Variants in LIMK1 observed in about 807,000 individuals in gnomAD.
LIMK1 encodes the protein LIM motif-containing protein kinase.
Under a neutral mutation model 77.6 loss-of-function variants are expected in LIMK1, and 21 were observed. That is an observed-to-expected ratio of 0.27 (90% CI 0.19 to 0.39). The LOEUF is 0.39. Ranked by LOEUF, LIMK1 falls within the 10% of genes least tolerant of loss-of-function variation. The pLI is 1.00. For missense variants in LIMK1, 696 were observed against 901.6 expected (o/e 0.77, Z 2.92); for synonymous variants, 358 against 370.0 (o/e 0.97, Z 0.37).
At chr7:74,120,205 A>G (rs1799901988) in intron 13 of LIMK1, among the ~76,000 whole-genome samples, 1 of 152,034 alleles carries the variant, frequency 6.6e-6, no homozygotes, top group Non-Finnish European at 1.5e-5. Flanking sequence ...TCATCTCCAG[A>G]TCCTTAACTT....
chr7:74,110,038 G>T lies in LIMK1; in HGVS notation c.1284+1002G>T, dbSNP rs551586689. On this transcript the variant is annotated intron_variant, in intron 10 of 15. Transcript: ENST00000336180. ...GTAACTTGACACAACGGGTTCCGTT[G>T]TCAGGTGCAATTTAGAAACTCTGGG... The T allele has an allele frequency of 2.5e-4, 38 of 152,182 alleles. 2 individuals carry two copies. Among genetic ancestry groups the T allele is most frequent in the African/African-American group, 9.2e-4 (38 of 41,516 alleles). 9.4% of individuals were successfully genotyped at this position (152,182 alleles called of 1,614,324 possible).
At chr7:74,104,625 CA>C (rs532503558) in intron 5 of LIMK1, among the ~76,000 whole-genome samples, 152 of 134,204 alleles carry the variant, frequency 1.1e-3, no homozygotes, top group Middle Eastern at 3.8e-3. Context: ...AACTCTGTCT[CA>C]AAAAAAAAAA....
At chr7:74,095,581 A>T (rs1452029192) in intron 2 of LIMK1, among the ~76,000 whole-genome samples, 1 of 151,888 alleles carries the variant, frequency 6.6e-6, no homozygotes, top group East Asian at 1.9e-4. Flanking sequence ...TTTTTTAATA[A>T]TTTTTTAAGA....
intron 5 of LIMK1, among the ~76,000 whole-genome samples, chr7:74,100,588 TG>T (rs1229723779): frequency 2.0e-5 from 3 of 151,748 alleles, no homozygotes; most frequent in Non-Finnish European, 2.9e-5. Context: ...GGCTAATTTT[TG>T]TATTTTTAGT....
chr7:74,087,125 G>A (rs1435176099), intron 2 of LIMK1, among the ~76,000 whole-genome samples: 2 of 152,034 alleles, frequency 1.3e-5, no homozygotes, highest in Non-Finnish European at 2.9e-5. Context: ...AGTGGAGGTG[G>A]GGCGTGGTGG....
In LIMK1 at chr7:74,102,484, C is replaced by CTTTTTTTTTTTGTTTTTTTTTTTTTTTTT; in HGVS notation, c.608+3257_608+3258insGTTTTTTTTTTTTTTTTTTTTTTTTTTTT. ...GATATTCTCAAAAGAAGGACCTTCT[C>CTTTTTTTTTTTGTTTTTTTTTTTTTTTTT]TTTTTTTTTTTTTTTTTTGGAGACA... On this transcript the variant is annotated intron_variant, in intron 5 of 15. Transcript: ENST00000336180. Among the ~76,000 whole-genome samples, 2 of 54,042 alleles carry CTTTTTTTTTTTGTTTTTTTTTTTTTTTTT rather than the reference C, an allele frequency of 3.7e-5. 1 individual carries two copies. Among genetic ancestry groups the CTTTTTTTTTTTGTTTTTTTTTTTTTTTTT allele is most frequent in the Non-Finnish European group, 7.1e-5 (2 of 28,264 alleles). The allele number at this position is 54,042 out of a possible 152,430, so 35.5% of individuals were successfully genotyped here. A position where few individuals can be genotyped will look rare whatever the true frequency, so the allele number is the denominator to read the frequency against.
chr7:74,120,259 A>G (rs898993046), intron 13 of LIMK1, among the ~76,000 whole-genome samples: 4 of 152,200 alleles, frequency 2.6e-5, no homozygotes, highest in Admixed American at 2.0e-4. Flanking sequence ...AGTAACATTC[A>G]CAGATTCCAG....
intron 5 of LIMK1, among the ~76,000 whole-genome samples, chr7:74,104,843 C>T (rs1440923023): frequency 2.0e-5 from 3 of 152,112 alleles, no homozygotes; most frequent in Non-Finnish European, 4.4e-5. Context: ...TCTTGCAGGG[C>T]GAGTTTGGGA....
At chr7:74,115,993 C>G in intron 13 of LIMK1, 35 bp downstream of exon 13, 1 of 1,596,898 alleles carries the variant, frequency 6.3e-7, no homozygotes, top group South Asian at 1.1e-5. Flanking sequence ...ATGGCCCTCA[C>G]GGGAAGCCAT....
intron 2 of LIMK1, among the ~76,000 whole-genome samples, chr7:74,086,293 C>G (rs1186608234): frequency 6.6e-6 from 1 of 152,200 alleles, no homozygotes; most frequent in Non-Finnish European, 1.5e-5. Context: ...GATCTTCCCA[C>G]CTCAGCCTCC....
chr7:74,108,022 A>C (rs782404609), intron 9 of LIMK1, 65 bp downstream of exon 9: 145 of 1,223,768 alleles, frequency 1.2e-4, no homozygotes, highest in Middle Eastern at 1.9e-4. Context: ...TGCCCCATCA[A>C]CACAGGTCGG....
intron 13 of LIMK1, among the ~76,000 whole-genome samples, chr7:74,118,584 T>C (rs1364642343): frequency 6.6e-6 from 1 of 151,620 alleles, no homozygotes; most frequent in Admixed American, 6.6e-5. Flanking sequence ...ACCCCATCTC[T>C]ACTAAAAATA....
intron 13 of LIMK1, among the ~76,000 whole-genome samples, chr7:74,118,337 A>G (rs1297307981): frequency 6.7e-6 from 1 of 148,410 alleles, no homozygotes; most frequent in Non-Finnish European, 1.5e-5. Context: ...AGATCGCACC[A>G]CTGTACTCCA....
rs879986342 is a variant in LIMK1, at chr7:74,118,386, A to T, written c.1568-2197A>T. Among the ~76,000 whole-genome samples, 1,077 of 114,114 alleles carry T rather than the reference A, an allele frequency of 9.4e-3. 6 individuals carry two copies. Among genetic ancestry groups the T allele is most frequent in the South Asian group, 0.021 (69 of 3,276 alleles). 74.9% of individuals were successfully genotyped at this position (114,114 alleles called of 152,430 possible). ...GTGGGACTCTGTGTCAAACACACAC[A>T]CACACACACACACACACACACACAC... On this transcript the variant is annotated intron_variant, in intron 13 of 15. Coordinates refer to ENST00000336180, the MANE Select transcript of LIMK1 (RefSeq NM_002314.4).
intron 4 of LIMK1, 90 bp downstream of exon 4, chr7:74,097,279 G>T: frequency 1.4e-6 from 1 of 731,340 alleles, no homozygotes; most frequent in Non-Finnish European, 2.2e-6. Flanking sequence ...CGGGCCTCCT[G>T]CCCTTTCCCA....
In LIMK1 at chr7:74,121,772, C is replaced by G. The variant is rs1799945033; in HGVS notation, c.*471C>G. On this transcript the variant is annotated 3_prime_UTR_variant, in exon 16 of 16. Coordinates refer to ENST00000336180, the MANE Select transcript of LIMK1 (RefSeq NM_002314.4). ...GGCCAAGTTCCAGGTGTCTGTGTTC[C>G]CAGGAACCAAATGGGGAGTCTGGGG... The G allele has an allele frequency of 6.4e-6, 1 of 156,590 alleles. No homozygotes were observed. Among genetic ancestry groups the G allele is most frequent in the Admixed American group, 6.5e-5 (1 of 15,370 alleles). The allele number at this position is 156,590 out of a possible 1,614,324, so 9.7% of individuals were successfully genotyped here.
At chr7:74,088,801 CAAAA>C (rs145728454) in intron 2 of LIMK1, among the ~76,000 whole-genome samples, 6 of 67,080 alleles carry the variant, frequency 8.9e-5, no homozygotes, top group Admixed American at 1.7e-4. Flanking sequence ...GACTCCATCT[CAAAA>C]AAAAAAAAAA....
At chr7:74,111,548 C>A in intron 10 of LIMK1, 100 bp from the exon 11 acceptor site, 3 of 948,190 alleles carry the variant, frequency 3.2e-6, no homozygotes, top group Non-Finnish European at 1.7e-6. Flanking sequence ...GCCCAGGGAC[C>A]CTCTAGGACG....
At chr7:74,111,870 A>T in intron 11 of LIMK1, 63 bp from the exon 12 acceptor site, 1 of 1,494,270 alleles carries the variant, frequency 6.7e-7, no homozygotes, top group Non-Finnish European at 9.3e-7. Context: ...GTTCCTGGGG[A>T]GCCAGGATGG....
Sources: gnomAD v4.1 joint callset for allele counts (sites outside exome capture counted in the v4.1 genomes callset) on GRCh38, gnomAD v4.1.1 for gene constraint, MANE v1.5 for transcripts, NCBI Gene and HGNC (gene_info 2026-07-23, HGNC 2026-07-21) for gene names.